CCDC178: variants seen among roughly 807,000 people sequenced by gnomAD.
CCDC178 encodes coiled-coil domain-containing protein 178.
In CCDC178, 126 loss-of-function variants were observed where a neutral mutation model predicts 117.4. The observed-to-expected ratio is 1.07, with a 90% CI of 0.93 to 1.24. The LOEUF is 1.24. CCDC178 is among the 50% of genes most tolerant of loss of function. The pLI is 0.00. For synonymous variants in CCDC178, 283 were observed against 313.4 expected (o/e 0.90, Z 1.02); for missense variants, 1,030 against 986.9 (o/e 1.04, Z -0.59).
In CCDC178 at chr18:33,155,454, C is replaced by T. The variant is rs569339998; in HGVS notation, c.2238+56442G>A. On this transcript the variant is annotated intron_variant, in intron 20 of 22. Transcript: ENST00000383096. ...TAAATTTTTACTTTAAGAAGCTAGA[C>T]AAAGAAACTTAACTGAAAGTAAGTA... 7.9e-5 allele frequency among the ~76,000 whole-genome samples: 12 copies of T among 151,762 alleles called. No individual in the cohort carries two copies. The South Asian group carries it at 2.5e-3, about 32-fold the overall frequency.
intron 22 of CCDC178, among the ~76,000 whole-genome samples, chr18:32,942,580 T>A (rs1312680975): frequency 6.6e-6 from 1 of 152,190 alleles, no homozygotes; most frequent in Non-Finnish European, 1.5e-5. Context: ...GGGAGAATGT[T>A]AAGTCATCTG....
intron 2 of CCDC178, among the ~76,000 whole-genome samples, chr18:33,427,720 A>G (rs1246396426): frequency 6.6e-6 from 1 of 152,192 alleles, no homozygotes; most frequent in African/African-American, 2.4e-5. Context: ...GCTTCTACCC[A>G]TATATCCACA....
intron 20 of CCDC178, among the ~76,000 whole-genome samples, chr18:33,121,237 G>C (rs1434710997): frequency 6.6e-6 from 1 of 152,132 alleles, no homozygotes; most frequent in Non-Finnish European, 1.5e-5. Flanking sequence ...AGGCTTAACA[G>C]AAATGGGTAG....
intron 21 of CCDC178, among the ~76,000 whole-genome samples, chr18:32,979,961 A>G (rs1249572171): frequency 6.6e-6 from 1 of 152,208 alleles, no homozygotes; most frequent in African/African-American, 2.4e-5. Flanking sequence ...CAGTGCGGAA[A>G]GGATGGCTAA....
intron 20 of CCDC178, among the ~76,000 whole-genome samples, chr18:33,202,009 T>A (rs1170414558): frequency 6.6e-6 from 1 of 152,156 alleles, no homozygotes; most frequent in East Asian, 1.9e-4. Flanking sequence ...ATCAACGCAG[T>A]GGCTGACTCC....
At chr18:33,228,384 C>T (rs775746356) in intron 15 of CCDC178, among the ~76,000 whole-genome samples, 2 of 152,062 alleles carry the variant, frequency 1.3e-5, no homozygotes, top group Non-Finnish European at 2.9e-5. Flanking sequence ...GAATTCAAGT[C>T]ACTTAAATTG....
At chr18:33,398,614 C>T (rs2063670973) in intron 3 of CCDC178, among the ~76,000 whole-genome samples, 1 of 152,002 alleles carries the variant, frequency 6.6e-6, no homozygotes, top group Non-Finnish European at 1.5e-5. Context: ...TAGCAAAGAA[C>T]CCCAGACATA....
chr18:33,260,908 A>G (rs2059739356), intron 14 of CCDC178, among the ~76,000 whole-genome samples: 1 of 151,984 alleles, frequency 6.6e-6, no homozygotes, highest in Non-Finnish European at 1.5e-5. Flanking sequence ...ACTCATTTCC[A>G]CTGGTCTGTC....
At chr18:33,213,589 A>G (rs1160895071) in intron 19 of CCDC178, among the ~76,000 whole-genome samples, 3 of 152,016 alleles carry the variant, frequency 2.0e-5, no homozygotes, top group Non-Finnish European at 2.9e-5. Context: ...TTTGTTCTCT[A>G]CACTGTTTTG....
At chr18:33,144,899 C>T (rs1598928413) in intron 20 of CCDC178, among the ~76,000 whole-genome samples, 1 of 152,112 alleles carries the variant, frequency 6.6e-6, no homozygotes, top group African/African-American at 2.4e-5. Context: ...CCAAGATCAC[C>T]ATTTTCTTAT....
intron 20 of CCDC178, among the ~76,000 whole-genome samples, chr18:33,181,181 A>G (rs944849653): frequency 6.6e-5 from 10 of 151,994 alleles, no homozygotes; most frequent in Admixed American, 2.0e-4. Context: ...CACAAACCAT[A>G]AACAATAAAG....
intron 21 of CCDC178, among the ~76,000 whole-genome samples, chr18:33,051,490 T>A (rs1168757853): frequency 6.6e-6 from 1 of 152,242 alleles, no homozygotes; most frequent in Non-Finnish European, 1.5e-5. Flanking sequence ...GACTTGAATT[T>A]ATGTGATGCT....
chr18:33,243,201 T>C lies in CCDC178; in HGVS notation c.1593+2044A>G, dbSNP rs527420959. 2.8e-4 allele frequency among the ~76,000 whole-genome samples: 43 copies of C among 151,854 alleles called. 1 individual carries two copies. The South Asian group carries it at 8.7e-3, about 31-fold the overall frequency. ...ATTCATATGTGAAAACGAACCAAAA[T>C]TGATCTCACAAAAGTAAAAAGTAGA... is the stretch of plus-strand genomic sequence containing the variant. On this transcript the variant is annotated intron_variant, in intron 15 of 22. Coordinates refer to ENST00000383096, the MANE Select transcript of CCDC178 (RefSeq NM_001105528.4).
At chr18:33,027,271 T>C (rs1470265542) in intron 21 of CCDC178, among the ~76,000 whole-genome samples, 1 of 151,622 alleles carries the variant, frequency 6.6e-6, no homozygotes, top group Non-Finnish European at 1.5e-5. Flanking sequence ...GAGAGTGGAA[T>C]AATGAAACTA....
chr18:33,282,346 G>C (rs2060035439), intron 12 of CCDC178, among the ~76,000 whole-genome samples: 1 of 152,122 alleles, frequency 6.6e-6, no homozygotes, highest in Non-Finnish European at 1.5e-5. Flanking sequence ...CACAGCTAGG[G>C]GTTGGCCACC....
chr18:33,166,992 A>G (rs912364328), intron 20 of CCDC178, among the ~76,000 whole-genome samples: 1 of 152,072 alleles, frequency 6.6e-6, no homozygotes, highest in Non-Finnish European at 1.5e-5. Context: ...ATATGTACTC[A>G]ATGTTTAGCT....
chr18:33,131,377 C>A (rs2058067258), intron 20 of CCDC178, among the ~76,000 whole-genome samples: 1 of 150,706 alleles, frequency 6.6e-6, no homozygotes, highest in African/African-American at 2.4e-5. Flanking sequence ...ATAAACTCAT[C>A]AAAAGGAAAA....
intron 21 of CCDC178, among the ~76,000 whole-genome samples, chr18:33,026,318 T>C (rs1320116295): frequency 1.3e-5 from 2 of 152,094 alleles, no homozygotes; most frequent in Admixed American, 1.3e-4. Flanking sequence ...CTGGTTGTGA[T>C]ATTGCTCTAT....
chr18:32,977,434 A>ACTAAT (rs1568193287), intron 21 of CCDC178, among the ~76,000 whole-genome samples: 1 of 152,168 alleles, frequency 6.6e-6, no homozygotes, highest in Non-Finnish European at 1.5e-5. Context: ...GTTAGACATT[A>ACTAAT]GTAAGAAGTG....
Sources: gnomAD v4.1 joint callset for allele counts (sites outside exome capture counted in the v4.1 genomes callset) on GRCh38, gnomAD v4.1.1 for gene constraint, MANE v1.5 for transcripts, NCBI Gene and HGNC (gene_info 2026-07-23, HGNC 2026-07-21) for gene names.